MYT1L: variants seen among roughly 807,000 people sequenced by gnomAD.
The protein encoded by MYT1L is myelin transcription factor 1 like.
A neutral mutation model predicts 126.7 loss-of-function variants in MYT1L; 12 were observed. That is an observed-to-expected ratio of 0.09 (90% CI 0.06 to 0.15). MYT1L has a LOEUF of 0.15. MYT1L is among the 10% of genes least tolerant of loss of function. The probability of loss-of-function intolerance (pLI) is 1.00; values close to 1 mark genes in which losing one functional copy is unlikely to be tolerated. For synonymous variants in MYT1L, 541 were observed against 604.2 expected (o/e 0.90, Z 1.53); for missense variants, 979 against 1,585.2 (o/e 0.62, Z 6.49).
intron 1 of MYT1L, among the ~76,000 whole-genome samples, chr2:2,323,139 G>T (rs1008585291): frequency 6.6e-6 from 1 of 152,072 alleles, no homozygotes. Context: ...CACATGAAGG[G>T]TTAATATGTT....
Position 2,238,025 on chromosome 2 carries a change from T to C in MYT1L, c.-421+46379A>G, listed in dbSNP as rs529898758. ...CTTCTGACAGAAAGGCGCGTTATGATTCCTCCATAATGGAAAGACAAGATC... is the reference window on the plus strand; with the variant it reads ...CTTCTGACAGAAAGGCGCGTTATGACTCCTCCATAATGGAAAGACAAGATC... On this transcript the variant is annotated intron_variant, in intron 2 of 24. Coordinates refer to ENST00000647738, the MANE Select transcript of MYT1L (RefSeq NM_001303052.2). 5.9e-5 allele frequency among the ~76,000 whole-genome samples: 9 copies of C among 152,344 alleles called. No homozygotes were observed. In the East Asian group the frequency reaches 1.7e-3, roughly 29 times the overall value.
At chr2:1,892,003 C>A in intron 15 of MYT1L, 34 bp downstream of exon 15, 2 of 1,480,042 alleles carry the variant, frequency 1.4e-6, no homozygotes, top group Non-Finnish European at 9.0e-7. Flanking sequence ...CTCCCCCACC[C>A]GCCAGGTGGC....
At chr2:2,303,635 G>A (rs1295209868) in intron 1 of MYT1L, 1 of 152,148 alleles carries the variant, frequency 6.6e-6, no homozygotes, top group African/African-American at 2.4e-5. Flanking sequence ...AGGCCCCACT[G>A]GATAGAGCAC....
intron 2 of MYT1L, among the ~76,000 whole-genome samples, chr2:2,269,010 G>A (rs189882547): frequency 1.6e-4 from 24 of 152,166 alleles, no homozygotes; most frequent in Middle Eastern, 6.8e-3. Flanking sequence ...CCAAGCATTC[G>A]GGGCGATGTG....
intron 1 of MYT1L, among the ~76,000 whole-genome samples, chr2:2,317,596 A>T (rs1464278738): frequency 6.6e-6 from 1 of 151,954 alleles, no homozygotes; most frequent in Non-Finnish European, 1.5e-5. Context: ...TTAGAAAATT[A>T]AAAAAGACAA....
rs902216289 is a variant in MYT1L at position 2,195,487 on chromosome 2, A to G, written c.-420-22499T>C. 7.2e-5 allele frequency among the ~76,000 whole-genome samples: 11 copies of G among 152,186 alleles called. No homozygotes were observed. The South Asian group carries it at 2.1e-3, about 29-fold the overall frequency. ...CTTTTCTGTAAGAAGATAATATAAT[A>G]CAGAGGCTGAGAGTAAGGCTACAAT... On this transcript the variant is annotated intron_variant, in intron 2 of 24. Coordinates refer to ENST00000647738, the MANE Select transcript of MYT1L (RefSeq NM_001303052.2).
chr2:1,966,532 C>T (rs1208546169), intron 8 of MYT1L, among the ~76,000 whole-genome samples: 1 of 152,104 alleles, frequency 6.6e-6, no homozygotes, highest in South Asian at 2.1e-4. Flanking sequence ...CTCCCTCACC[C>T]CAGCAATTCT....
intron 5 of MYT1L, among the ~76,000 whole-genome samples, chr2:1,996,938 T>C (rs1335939534): frequency 1.4e-3 from 119 of 83,826 alleles, no homozygotes; most frequent in South Asian, 2.7e-3. Context: ...GAGTGAGGGC[T>C]GCCCTGCCTC....
intron 8 of MYT1L, among the ~76,000 whole-genome samples, chr2:1,946,827 G>A (rs2057274791): frequency 2.0e-5 from 3 of 152,134 alleles, no homozygotes; most frequent in South Asian, 2.1e-4. Context: ...AATCACCACC[G>A]GACAACCTGT....
At chr2:2,108,875 G>A (rs2079054293) in intron 3 of MYT1L, among the ~76,000 whole-genome samples, 1 of 152,074 alleles carries the variant, frequency 6.6e-6, no homozygotes, top group Non-Finnish European at 1.5e-5. Flanking sequence ...TGGTGATGTT[G>A]TACATTACAA....
intron 3 of MYT1L, among the ~76,000 whole-genome samples, chr2:2,065,197 C>A (rs2071067501): frequency 6.6e-6 from 1 of 151,656 alleles, no homozygotes; most frequent in Admixed American, 6.6e-5. Context: ...GATCCTGTTT[C>A]AAAAAAAGAA....
chr2:2,310,606 C>G (rs2095951227), intron 1 of MYT1L, among the ~76,000 whole-genome samples: 2 of 152,168 alleles, frequency 1.3e-5, no homozygotes, highest in South Asian at 4.1e-4. Flanking sequence ...ACGTTTTCTT[C>G]AAAGATTATT....
chr2:1,865,500 A>G (rs975198451), intron 18 of MYT1L, among the ~76,000 whole-genome samples: 2 of 151,848 alleles, frequency 1.3e-5, no homozygotes, highest in African/African-American at 4.9e-5. Flanking sequence ...AAAATAGGAA[A>G]AATAATGCCC....
rs1364886862 is a variant in MYT1L at position 2,190,551 on chromosome 2, C to A, written c.-420-17563G>T. 4.2e-5 allele frequency among the ~76,000 whole-genome samples: 5 copies of A among 118,526 alleles called. No individual in the cohort carries two copies. In the East Asian group the frequency reaches 9.6e-4, roughly 23 times the overall value. The allele number at this position is 118,526 out of a possible 152,430, so 77.8% of individuals were successfully genotyped here. A position where few individuals can be genotyped will look rare whatever the true frequency, so the allele number is the denominator to read the frequency against. On this transcript the variant is annotated intron_variant, in intron 2 of 24. Transcript: ENST00000647738. ...AGCCTGCTGGGCCACAGAGCAAGAC[C>A]TGTTAAAAAAAAAAAAAAAAAAAAA... is the stretch of plus-strand genomic sequence containing the variant.
intron 1 of MYT1L, among the ~76,000 whole-genome samples, chr2:2,311,062 A>G (rs2095961021): frequency 1.3e-5 from 2 of 152,124 alleles, no homozygotes; most frequent in South Asian, 4.1e-4. Flanking sequence ...TACTGTACCC[A>G]TTCCCCACAC....
At chr2:2,232,509 T>C (rs4853946) in intron 2 of MYT1L, among the ~76,000 whole-genome samples, 86,300 of 152,122 alleles carry the variant, frequency 0.57, 25,178 homozygotes, top group East Asian at 0.77. Context: ...CTCTGTAGCA[T>C]GGGTATGACA....
At chr2:2,318,691 A>G (rs569471457) in intron 1 of MYT1L, among the ~76,000 whole-genome samples, 1 of 152,344 alleles carries the variant, frequency 6.6e-6, no homozygotes, top group South Asian at 2.1e-4. Flanking sequence ...TCAGTACCAA[A>G]TGTGCCACAT....
intron 4 of MYT1L, among the ~76,000 whole-genome samples, chr2:2,010,389 C>A (rs2063715038): frequency 1.3e-5 from 2 of 152,186 alleles, no homozygotes; most frequent in East Asian, 3.9e-4. Flanking sequence ...TTAAGTTCTG[C>A]TTGGCTATGA....
At chr2:1,836,379 G>A (rs2040883970) in intron 21 of MYT1L, among the ~76,000 whole-genome samples, 1 of 138,020 alleles carries the variant, frequency 7.2e-6, no homozygotes, top group South Asian at 2.3e-4. Flanking sequence ...AATCTGCCAA[G>A]AGTCCATCAG....
Sources: allele counts gnomAD v4.1 joint callset (sites outside exome capture counted in the v4.1 genomes callset), GRCh38; gene constraint gnomAD v4.1.1; transcripts MANE v1.5; gene names NCBI Gene and HGNC (gene_info 2026-07-23, HGNC 2026-07-21).